The following PDZD9 variants were observed in gnomAD, a reference collection of about 807,000 sequenced individuals.
The protein encoded by PDZD9 is PDZ domain-containing protein 9.
A neutral mutation model predicts 16.3 loss-of-function variants in PDZD9; 13 were observed. The ratio of observed to expected loss-of-function variants is 0.80; its 90% CI spans 0.52 to 1.27. The LOEUF is 1.27. Among genes scored for constraint, PDZD9 ranks in the 50% most tolerant of loss-of-function variants. The probability of loss-of-function intolerance (pLI) is 0.00; values close to 1 mark genes in which losing one functional copy is unlikely to be tolerated. For missense variants in PDZD9, 288 were observed against 310.9 expected (o/e 0.93, Z 0.55); for synonymous variants, 120 against 111.0 (o/e 1.08, Z -0.51).
chr16:22,000,461 T>G (rs1319442750), intron 1 of PDZD9, among the ~76,000 whole-genome samples: 1 of 151,578 alleles, frequency 6.6e-6, no homozygotes, highest in East Asian at 1.9e-4. Flanking sequence ...TAGGGAGTGG[T>G]GGAACTGTTC....
chr16:21,984,149 T>G lies in PDZD9; in HGVS notation c.*118A>C, dbSNP rs1567483059. On this transcript the variant is annotated 3_prime_UTR_variant, in exon 4 of 4. Coordinates refer to ENST00000424898, the MANE Select transcript of PDZD9 (RefSeq NM_001363519.1). ...CTCTAAAGGCTTTATAACGCAGTCATAAGAGAAGAGAATTGGTGAGTCTAC... is the reference window on the plus strand; with the variant it reads ...CTCTAAAGGCTTTATAACGCAGTCAGAAGAGAAGAGAATTGGTGAGTCTAC... The G allele has an allele frequency of 8.7e-7, 1 of 1,144,268 alleles. No homozygotes were observed. The highest frequency in any genetic ancestry group is 1.2e-6 in the Non-Finnish European group (1 of 811,584). 70.9% of individuals were successfully genotyped at this position (1,144,268 alleles called of 1,614,324 possible).
At chr16:21,995,263 G>A (rs983761389) in intron 2 of PDZD9, 6 of 457,002 alleles carry the variant, frequency 1.3e-5, no homozygotes, top group African/African-American at 1.2e-4. Context: ...CTTCTGCCAT[G>A]ATTGTAAGTT....
the PDZD9 span, among the ~76,000 whole-genome samples, chr16:21,963,478 G>C: frequency 6.6e-6 from 1 of 151,008 alleles, no homozygotes; most frequent in Non-Finnish European, 1.5e-5. Flanking sequence ...TTGTTTGTTT[G>C]TTTGTTTTTG....
chr16:21,976,490 G>A, the PDZD9 span: 24 of 383,870 alleles, frequency 6.3e-5, no homozygotes, highest in Non-Finnish European at 1.4e-5. Context: ...CCAGGAGTTT[G>A]AGACCAGCTT....
intron 3 of PDZD9, among the ~76,000 whole-genome samples, chr16:21,986,950 G>T (rs1250946185): frequency 2.0e-5 from 3 of 152,198 alleles, no homozygotes; most frequent in African/African-American, 7.2e-5. Context: ...GGAAGCTAAA[G>T]GGGGCTAGAG....
chr16:22,000,873 G>GATA (rs1350446303), intron 1 of PDZD9, 144 bp downstream of exon 1: 58 of 630,658 alleles, frequency 9.2e-5, no homozygotes, highest in Non-Finnish European at 1.5e-4. Flanking sequence ...TGATGATGAT[G>GATA]ATAATGATGA....
chr16:21,969,003 G>T, the PDZD9 span, among the ~76,000 whole-genome samples: 3 of 152,174 alleles, frequency 2.0e-5, no homozygotes, highest in African/African-American at 4.8e-5. Context: ...AACAGGCAAA[G>T]GGCATGAACA....
At chr16:21,965,447 C>G in the PDZD9 span, 1 of 1,613,926 alleles carries the variant, frequency 6.2e-7, no homozygotes, top group Non-Finnish European at 8.5e-7. Context: ...TACCGGAATG[C>G]CTTGGCTAAT....
the PDZD9 span, among the ~76,000 whole-genome samples, chr16:21,964,964 C>T: frequency 6.6e-6 from 1 of 152,168 alleles, no homozygotes; most frequent in South Asian, 2.1e-4. Context: ...GTGGAAGCTC[C>T]CATTGGTCCC....
rs866240376 is a variant in PDZD9, at chr16:22,000,867, G to T, written c.31+150C>A. 20 of 689,966 alleles carry T rather than the reference G, an allele frequency of 2.9e-5. No individual in the cohort carries two copies. In the African/African-American group the frequency reaches 3.6e-4, roughly 12 times the overall value. 42.7% of individuals were successfully genotyped at this position (689,966 alleles called of 1,614,324 possible). A position where few individuals can be genotyped will look rare whatever the true frequency, so the allele number is the denominator to read the frequency against. On this transcript the variant is annotated intron_variant, in intron 1 of 3. Coordinates refer to ENST00000424898, the MANE Select transcript of PDZD9 (RefSeq NM_001363519.1). ...TGATGATGATGATGATGATGATGAT[G>T]ATGATGATAATGATGATGATGATAA...
chr16:21,984,700 G>A (rs2141953327), intron 3 of PDZD9, 40 bp from the exon 4 acceptor site: 1 of 1,428,074 alleles, frequency 7.0e-7, no homozygotes, highest in Admixed American at 2.5e-5. Context: ...GATTCTTCAT[G>A]TCTAAACATT....
intron 2 of PDZD9, among the ~76,000 whole-genome samples, chr16:21,991,531 G>A (rs970793732): frequency 8.5e-5 from 13 of 152,056 alleles, no homozygotes; most frequent in Non-Finnish European, 1.3e-4. Context: ...TATCGCACCC[G>A]GCCTACATTA....
At chr16:21,983,299 C>T (rs890156653), downstream of PDZD9, 1 of 754,754 alleles carries the variant, frequency 1.3e-6, no homozygotes, top group Non-Finnish European at 2.1e-6. Context: ...GGCATAAATG[C>T]AGGTAATTAT....
chr16:21,990,524 C>T (rs1898996821), intron 2 of PDZD9, among the ~76,000 whole-genome samples: 1 of 152,166 alleles, frequency 6.6e-6, no homozygotes, highest in Non-Finnish European at 1.5e-5. Flanking sequence ...TGGTCTTAAG[C>T]AGTAGCTGGG....
intron 3 of PDZD9, among the ~76,000 whole-genome samples, 187 bp from the exon 4 acceptor site, chr16:21,984,847 G>A (rs1032745371): frequency 1.3e-5 from 2 of 152,040 alleles, no homozygotes; most frequent in Non-Finnish European, 2.9e-5. Context: ...ATTTCTAAAT[G>A]GAAATCAAAT....
chr16:21,980,581 G>A, downstream of PDZD9: 2 of 1,614,192 alleles, frequency 1.2e-6, no homozygotes, highest in Non-Finnish European at 1.7e-6. Flanking sequence ...AATGTCAGTG[G>A]AGTCTTCTGA....
chr16:21,961,203 TGATACAACCACTTAGGAAAGAATCAAG>T, the PDZD9 span: 1 of 283,282 alleles, frequency 3.5e-6, no homozygotes, highest in African/African-American at 2.2e-5. Flanking sequence ...GAGTATAAAT[TGATACAACCACTTAGGAAAGAATCAAG>T]GAATATCTGG....
chr16:21,985,003 C>G (rs917100155), intron 3 of PDZD9, among the ~76,000 whole-genome samples: 1 of 152,142 alleles, frequency 6.6e-6, no homozygotes, highest in African/African-American at 2.4e-5. Flanking sequence ...CTCCTGAGAA[C>G]TCTATTCTTG....
intron 2 of PDZD9, among the ~76,000 whole-genome samples, chr16:21,989,273 A>C (rs1898964500): frequency 6.6e-6 from 1 of 152,108 alleles, no homozygotes; most frequent in Non-Finnish European, 1.5e-5. Flanking sequence ...CATGATATGA[A>C]TGTCCTTTGC....
Sources: allele counts gnomAD v4.1 joint callset (sites outside exome capture counted in the v4.1 genomes callset), GRCh38; gene constraint gnomAD v4.1.1; transcripts MANE v1.5; gene names NCBI Gene and HGNC (gene_info 2026-07-23, HGNC 2026-07-21).